RGS20: variants seen among roughly 807,000 people sequenced by gnomAD.
RGS20 encodes the protein regulator of G protein signaling 20.
In RGS20, 30 loss-of-function variants were observed where a neutral mutation model predicts 33.6. The observed-to-expected ratio is 0.89, with a 90% CI of 0.67 to 1.21. RGS20 has a LOEUF of 1.21. Ranked by LOEUF, RGS20 falls within the 50% of genes most tolerant of loss-of-function variation. The probability of loss-of-function intolerance (pLI) is 0.00; values close to 1 mark genes in which losing one functional copy is unlikely to be tolerated. For synonymous variants in RGS20, 208 were observed against 197.9 expected, an observed-to-expected ratio of 1.05 and a Z score of -0.43; for missense variants, 472 against 502.4, an observed-to-expected ratio of 0.94 and a Z score of 0.58.
At chr8:53,897,515 C>T (rs1812900078) in intron 2 of RGS20, among the ~76,000 whole-genome samples, 1 of 152,350 alleles carries the variant, frequency 6.6e-6, no homozygotes, top group East Asian at 1.9e-4. Flanking sequence ...ACTAAGCATA[C>T]TTTATAATAT....
intron 2 of RGS20, among the ~76,000 whole-genome samples, chr8:53,900,579 G>T (rs1039656161): frequency 6.6e-6 from 1 of 152,002 alleles, no homozygotes; most frequent in African/African-American, 2.4e-5. Context: ...AAGAAATAAG[G>T]CACCAGAGTA....
At chr8:53,916,867 G>A (rs932760619) in intron 2 of RGS20, among the ~76,000 whole-genome samples, 1 of 152,140 alleles carries the variant, frequency 6.6e-6, no homozygotes, top group African/African-American at 2.4e-5. Context: ...CAGAAACCAG[G>A]AACTGTCTTC....
chr8:53,953,587 A>G (rs537696076), intron 4 of RGS20, among the ~76,000 whole-genome samples: 94 of 152,126 alleles, frequency 6.2e-4, no homozygotes, highest in African/African-American at 2.1e-3. Context: ...TATAACTTGC[A>G]CTTATACTAC....
At chr8:53,880,920 G>C (rs1326188072) in intron 2 of RGS20, 2 of 1,544,244 alleles carry the variant, frequency 1.3e-6, no homozygotes, top group East Asian at 4.7e-5. Flanking sequence ...AGCAAAGACC[G>C]AGAGCCGGAG....
Position 53,902,405 on chromosome 8 carries a change from T to C in RGS20, c.510+22803T>C, listed in dbSNP as rs560502034. On this transcript the variant is annotated intron_variant, in intron 2 of 5. Coordinates refer to ENST00000297313, the MANE Select transcript of RGS20 (RefSeq NM_170587.4). Reference sequence around the variant, plus strand: ...TTCTCAGGGAGTATATACCAAGGCCTGGAATGGCTGGGTCAGAGGGTGTGT... The same window carrying C: ...TTCTCAGGGAGTATATACCAAGGCCCGGAATGGCTGGGTCAGAGGGTGTGT... 3.3e-5 allele frequency among the ~76,000 whole-genome samples: 5 copies of C among 152,330 alleles called. No individual in the cohort carries two copies. The East Asian group carries it at 9.6e-4, about 29-fold the overall frequency.
At chr8:53,886,945 T>C (rs1377660976) in intron 2 of RGS20, 1 of 152,366 alleles carries the variant, frequency 6.6e-6, no homozygotes, top group Non-Finnish European at 1.5e-5. Flanking sequence ...GATAATGTGA[T>C]TTAAGGGACT....
At chr8:53,856,216 ATT>A (rs11366812) in intron 1 of RGS20, among the ~76,000 whole-genome samples, 136 of 138,746 alleles carry the variant, frequency 9.8e-4, no homozygotes, top group African/African-American at 2.7e-3. Flanking sequence ...TTATTTTTCA[ATT>A]TTTTTTTTTT....
intron 4 of RGS20, among the ~76,000 whole-genome samples, chr8:53,948,179 ATATAG>A (rs538809190): frequency 0.011 from 1,491 of 134,474 alleles, 6 homozygotes; most frequent in Non-Finnish European, 0.018. Flanking sequence ...TATATATATG[ATATAG>A]TATATATATT....
In RGS20 at chr8:53,958,983, TG is replaced by T. The variant is rs1421555538; in HGVS notation, c.*526del. On this transcript the variant is annotated 3_prime_UTR_variant, in exon 6 of 6. Coordinates refer to ENST00000297313, the MANE Select transcript of RGS20 (RefSeq NM_170587.4). ...CTACATGTAAAAATAGCATTCTACT[TG>T]ATCTTACAGTATGTATGTATGTATG... The T allele has an allele frequency of 6.6e-6, 1 of 152,260 alleles. No individual in the cohort carries two copies. The highest frequency in any genetic ancestry group is 2.4e-5 in the African/African-American group (1 of 41,322). 9.4% of individuals were successfully genotyped at this position (152,260 alleles called of 1,614,324 possible).
intron 2 of RGS20, among the ~76,000 whole-genome samples, chr8:53,936,777 G>A (rs1814147388): frequency 6.6e-6 from 1 of 152,152 alleles, no homozygotes; most frequent in Non-Finnish European, 1.5e-5. Flanking sequence ...AAAAGAGTTT[G>A]TATAGCCAAG....
chr8:53,944,406 T>TG (rs1289848939), intron 3 of RGS20, among the ~76,000 whole-genome samples: 1 of 151,832 alleles, frequency 6.6e-6, no homozygotes, highest in African/African-American at 2.4e-5. Context: ...GGTGTGGTGG[T>TG]GCGCGCCTGT....
At chr8:53,885,608 C>T (rs1812519875) in intron 2 of RGS20, among the ~76,000 whole-genome samples, 1 of 150,396 alleles carries the variant, frequency 6.6e-6, no homozygotes, top group Non-Finnish European at 1.5e-5. Flanking sequence ...AGGGAGACTC[C>T]GTCTCAAAAA....
intron 2 of RGS20, among the ~76,000 whole-genome samples, chr8:53,928,962 C>T (rs907362341): frequency 2.0e-5 from 3 of 152,194 alleles, no homozygotes; most frequent in Non-Finnish European, 2.9e-5. Flanking sequence ...CAGTGGAATC[C>T]TGCTCAGGAA....
chr8:53,926,531 G>A (rs879388544), intron 2 of RGS20, among the ~76,000 whole-genome samples: 8 of 151,924 alleles, frequency 5.3e-5, no homozygotes, highest in Non-Finnish European at 8.8e-5. Context: ...TTCAATAATC[G>A]CTATCTTCAG....
chr8:53,869,462 G>A (rs1025344889), intron 1 of RGS20, among the ~76,000 whole-genome samples: 1 of 152,122 alleles, frequency 6.6e-6, no homozygotes, highest in African/African-American at 2.4e-5. Flanking sequence ...GATCACTTGA[G>A]GTCAGGAGTT....
intron 3 of RGS20, among the ~76,000 whole-genome samples, chr8:53,944,463 G>C (rs1342586116): frequency 6.6e-6 from 1 of 151,802 alleles, no homozygotes; most frequent in Non-Finnish European, 1.5e-5. Flanking sequence ...ACTTAAACCC[G>C]GGAGGCGGAG....
At chr8:53,900,139 G>A (rs1585901149) in intron 2 of RGS20, among the ~76,000 whole-genome samples, 1 of 152,130 alleles carries the variant, frequency 6.6e-6, no homozygotes, top group African/African-American at 2.4e-5. Flanking sequence ...GCTGAATATA[G>A]ACACAAAGGT....
At chr8:53,895,906 CA>C (rs1212494998) in intron 2 of RGS20, among the ~76,000 whole-genome samples, 1 of 152,010 alleles carries the variant, frequency 6.6e-6, no homozygotes, top group Non-Finnish European at 1.5e-5. Context: ...CTCGGCCTCC[CA>C]AAGTGCTGGG....
At chr8:53,951,931 C>T (rs1329456712) in intron 4 of RGS20, among the ~76,000 whole-genome samples, 2 of 151,588 alleles carry the variant, frequency 1.3e-5, no homozygotes, top group African/African-American at 4.8e-5. Context: ...GCAGGAGAAT[C>T]GCTTGAACCC....
Sources: allele counts gnomAD v4.1 joint callset (sites outside exome capture counted in the v4.1 genomes callset), GRCh38; gene constraint gnomAD v4.1.1; transcripts MANE v1.5; gene names NCBI Gene and HGNC (gene_info 2026-07-23, HGNC 2026-07-21).